SLC6A15: variants seen among roughly 807,000 people sequenced by gnomAD.
SLC6A15 encodes the protein solute carrier family 6 member 15.
In SLC6A15, 33 loss-of-function variants were observed where a neutral mutation model predicts 68.5. The observed-to-expected ratio is 0.48, with a 90% confidence interval of 0.37 to 0.64. The LOEUF (loss-of-function observed/expected upper bound fraction) is 0.64, where lower values mean the gene tolerates loss of function less well. Among genes scored for constraint, SLC6A15 ranks in the 30% least tolerant of loss-of-function variants. The pLI is 0.00. For synonymous variants in SLC6A15, 347 were observed against 301.0 expected (o/e 1.15, Z -1.58); for missense variants, 747 against 874.3 (o/e 0.85, Z 1.84).
Position 84,883,808 on chromosome 12 carries a change from G to A in SLC6A15, c.756+51C>T, listed in dbSNP as rs750571608. 4 of 1,613,882 alleles carry A rather than the reference G, an allele frequency of 2.5e-6. No individual in the cohort carries two copies. In the East Asian group the frequency reaches 8.9e-5, roughly 36 times the overall value. On this transcript the variant is annotated intron_variant, in intron 5 of 11. Coordinates refer to ENST00000266682, the MANE Select transcript of SLC6A15 (RefSeq NM_182767.6). ...CTGTAACAGAATTTGAGAGAGGGATGAATCCAGAAATGGTGATTAGCAGAA... is the reference window on the plus strand; with the variant it reads ...CTGTAACAGAATTTGAGAGAGGGATAAATCCAGAAATGGTGATTAGCAGAA...
chr12:84,860,220 G>A lies in SLC6A15; in HGVS notation c.*1412C>T, dbSNP rs547494008. The A allele has an allele frequency of 3.3e-5, 5 of 152,066 alleles. No individual in the cohort carries two copies. Among genetic ancestry groups the A allele is most frequent in the Admixed American group, 3.3e-4 (5 of 15,258 alleles). The allele number at this position is 152,066 out of a possible 1,614,324, so 9.4% of individuals were successfully genotyped here. A position where few individuals can be genotyped will look rare whatever the true frequency, so the allele number is the denominator to read the frequency against. ...TGTGTATTACCTCACTTATTTTGCT[G>A]CTATATCCATCATTGTTTTAAAAAT... On this transcript the variant is annotated 3_prime_UTR_variant, in exon 12 of 12. Coordinates refer to ENST00000266682, the MANE Select transcript of SLC6A15 (RefSeq NM_182767.6).
chr12:84,903,263 T>C (rs903409181), intron 1 of SLC6A15, among the ~76,000 whole-genome samples: 4 of 152,164 alleles, frequency 2.6e-5, no homozygotes, highest in Non-Finnish European at 5.9e-5. Flanking sequence ...GACAAAGTTT[T>C]ATTAACGTAA....
intron 2 of SLC6A15, among the ~76,000 whole-genome samples, chr12:84,888,035 G>T (rs990791158): frequency 2.0e-5 from 3 of 151,546 alleles, no homozygotes; most frequent in Non-Finnish European, 2.9e-5. Context: ...AGACCAGCTT[G>T]GGCAACATGG....
chr12:84,897,290 A>G (rs2120700561), intron 1 of SLC6A15, among the ~76,000 whole-genome samples: 1 of 152,198 alleles, frequency 6.6e-6, no homozygotes, highest in African/African-American at 2.4e-5. Flanking sequence ...GGCATGGAGG[A>G]CAGATGTAAA....
chr12:84,887,035 C>T (rs1234919096), intron 2 of SLC6A15, among the ~76,000 whole-genome samples: 1 of 152,110 alleles, frequency 6.6e-6, no homozygotes, highest in East Asian at 1.9e-4. Context: ...CTCAAACTAC[C>T]CAGCTCAAGG....
Position 84,891,936 on chromosome 12 carries a change from G to T in SLC6A15, c.185C>A (p.Pro62Gln). 4 of 1,613,922 alleles carry T rather than the reference G, an allele frequency of 2.5e-6. No individual in the cohort carries two copies. The highest frequency in any genetic ancestry group is 3.4e-6 in the Non-Finnish European group (4 of 1,179,978). Residue 62 changes from proline to glutamine, a missense_variant, in exon 2 of 12, where the codon CCA becomes CAA. Transcript: ENST00000266682. ...GTATTGTAGTTTACTGTTCCAAGCTGGTCTTTCATCTTCGACTTCAGATCC... is the reference window on the plus strand; with the variant it reads ...GTATTGTAGTTTACTGTTCCAAGCTTGTCTTTCATCTTCGACTTCAGATCC... ...EEGSEVEDERPAWNSKLQYIL... is the reference protein window; with the variant it reads ...EEGSEVEDERQAWNSKLQYIL...
chr12:84,882,294 G>T (rs1315475892), intron 5 of SLC6A15: 43 of 985,184 alleles, frequency 4.4e-5, no homozygotes, highest in Non-Finnish European at 5.2e-5. Flanking sequence ...TAATGTGACG[G>T]GAATGTGGCT....
Position 84,872,753 on chromosome 12 carries a change from A to G in SLC6A15, c.1151T>C (p.Ile384Thr). The G allele has an allele frequency of 1.2e-6, 2 of 1,602,310 alleles. No individual in the cohort carries two copies. Among genetic ancestry groups the G allele is most frequent in the Non-Finnish European group, 1.7e-6 (2 of 1,177,328 alleles). The stretch of plus-strand genomic sequence containing the variant: ...ATGATGGGGAATAATATCCTGACTA[A>G]TGTTCCCCATTTTCAAAAATTTCAT... ...TIMKFLKMGN[I>T]SQDIIPHHIN... The change falls in exon 8 of 12, where the codon ATT (isoleucine) becomes ACT (threonine). Residue 384 changes from isoleucine to threonine, a missense_variant. By Grantham distance (89) the Ile-to-Thr change is moderately conservative (BLOSUM62 -1). Coordinates refer to ENST00000266682, the MANE Select transcript of SLC6A15 (RefSeq NM_182767.6).
chr12:84,892,091 T>C lies in SLC6A15; in HGVS notation c.30A>G (p.Arg10=). The C allele has an allele frequency of 3.1e-6, 5 of 1,612,784 alleles. No homozygotes were observed. Among genetic ancestry groups the C allele is most frequent in the Non-Finnish European group, 4.2e-6 (5 of 1,179,508 alleles). ...ACTCAGTAACATCATCATCTAATTC[T>C]CTTTTTACCACCTTGCTATTTTTGG... is the stretch of plus-strand genomic sequence containing the variant. The part of the protein sequence containing the change: MPKNSKVVK[R]ELDDDVTESV... Residue 10 remains arginine, a synonymous_variant, in exon 2 of 12, where the codon AGA becomes AGG. Transcript: ENST00000266682.
At chr12:84,881,968 A>T in intron 5 of SLC6A15, 1 of 983,074 alleles carries the variant, frequency 1.0e-6, no homozygotes, top group Non-Finnish European at 1.2e-6. Context: ...TCTTTTCCTG[A>T]GGCATTCTCA....
At position 84,897,992 on chromosome 12, in the gene SLC6A15, GA is replaced by G. The variant is rs1224027573; in HGVS notation, c.-188-5685del. 2.0e-5 allele frequency among the ~76,000 whole-genome samples: 3 copies of G among 152,132 alleles called. No individual in the cohort carries two copies. In the East Asian group the frequency reaches 5.8e-4, roughly 29 times the overall value. ...AAAAATTGAAATGAGAGGAGAAAAA[GA>G]AATAAAAGTGTGAAAATATGCTCAT... On this transcript the variant is annotated intron_variant, in intron 1 of 11. Transcript: ENST00000266682.
chr12:84,903,158 A>G (rs1446703908), intron 1 of SLC6A15, among the ~76,000 whole-genome samples: 1 of 152,156 alleles, frequency 6.6e-6, no homozygotes, highest in African/African-American at 2.4e-5. Flanking sequence ...AATTTCCATA[A>G]ATTGGAGTAT....
chr12:84,870,707 T>A (rs759778288), intron 8 of SLC6A15, 37 bp from the exon 9 acceptor site: 2 of 1,347,778 alleles, frequency 1.5e-6, no homozygotes, highest in East Asian at 2.5e-5. Context: ...TAGTACAGAG[T>A]AATTATTAAA....
In SLC6A15 at chr12:84,872,607, T is replaced by G. The variant is rs763322968; in HGVS notation, c.1297A>C (p.Asn433His). Residue 433 changes from asparagine (N) to histidine (H), a missense_variant, in exon 8 of 12, where the codon AAT becomes CAT. Coordinates refer to ENST00000266682, the MANE Select transcript of SLC6A15 (RefSeq NM_182767.6). Reference protein sequence around the residue: ...LNSCKIEEELNKAVQGTGLAF... With the variant: ...LNSCKIEEELHKAVQGTGLAF... ...CTCAAACATGGCTTACTAACTTTAT[T>G]TAGCTCTTCTTCAATTTTACAGGAA... 1 of 1,607,130 alleles carries G rather than the reference T, an allele frequency of 6.2e-7. No homozygotes were observed. The highest frequency in any genetic ancestry group is 1.1e-5 in the South Asian group (1 of 89,818).
chr12:84,863,518 A>G lies in SLC6A15; in HGVS notation c.1739T>C (p.Met580Thr), dbSNP rs2120532050. 8 of 1,594,912 alleles carry G rather than the reference A, an allele frequency of 5.0e-6. 1 individual carries two copies. The African/African-American group carries it at 8.1e-5, about 16-fold the overall frequency. The change falls in exon 11 of 12, where the codon ATG becomes ACG. Residue 580 changes from methionine to threonine, a missense_variant. Transcript: ENST00000266682. ...ACTAGCTATTAGCAATGATAATAGC[A>G]TTAGAGGAGAAATATATTTCCACAT... ...YYMWKYISPL[M>T]LLSLLIASVV...
At chr12:84,862,982 G>T (rs765700279) in intron 11 of SLC6A15, among the ~76,000 whole-genome samples, 3 of 151,972 alleles carry the variant, frequency 2.0e-5, no homozygotes, top group Non-Finnish European at 4.4e-5. Context: ...GTAGAGACAG[G>T]GATTCTCTGT....
At chr12:84,900,908 G>GTA (rs1414296340) in intron 1 of SLC6A15, among the ~76,000 whole-genome samples, 2 of 126,944 alleles carry the variant, frequency 1.6e-5, no homozygotes, top group Non-Finnish European at 3.2e-5. Flanking sequence ...GTATAGATAT[G>GTA]TATATATATA....
At chr12:84,910,887 T>C (rs1257401897) in intron 1 of SLC6A15, among the ~76,000 whole-genome samples, 1 of 150,406 alleles carries the variant, frequency 6.6e-6, no homozygotes, top group Admixed American at 6.6e-5. Context: ...GGATTTATGC[T>C]GGACAGAAAG....
At position 84,861,906 on chromosome 12, in the gene SLC6A15, C is replaced by T. The variant is rs759917281; in HGVS notation, c.1919G>A (p.Arg640His). 1.5e-5 allele frequency: 24 copies of T among 1,613,680 alleles called. No homozygotes were observed. The highest frequency in any genetic ancestry group is 3.3e-5 in the Admixed American group (2 of 59,934). The change falls in exon 12 of 12, where the codon CGT (arginine) becomes CAT (histidine). Residue 640 changes from arginine to histidine, a missense_variant. Physicochemically the swap from Arg to His is conservative, Grantham distance 29. Transcript: ENST00000266682. ...ILPVPVVFIVRRFNLIDDSSG... is the reference protein window; with the variant it reads ...ILPVPVVFIVHRFNLIDDSSG... ...ACTATCATCTATAAGGTTGAAGCGA[C>T]GAACAATGAAAACTACAGGGACTGG...
Sources: gnomAD v4.1 joint callset for allele counts (sites outside exome capture counted in the v4.1 genomes callset) on GRCh38, gnomAD v4.1.1 for gene constraint, MANE v1.5 for transcripts, NCBI Gene and HGNC (gene_info 2026-07-23, HGNC 2026-07-21) for gene names.